The following RPH3AL variants were observed in gnomAD, a reference collection of about 807,000 sequenced individuals.
RPH3AL encodes the protein rab effector Noc2.
Under a neutral mutation model 43.1 loss-of-function variants are expected in RPH3AL, and 38 were observed. The observed-to-expected ratio is 0.88, with a 90% CI of 0.68 to 1.15. The LOEUF is 1.15. Ranked by LOEUF, RPH3AL falls within the 50% of genes most tolerant of loss-of-function variation. The pLI, the probability that RPH3AL is intolerant of heterozygous loss-of-function variation, is 0.00. For missense variants in RPH3AL, 462 were observed against 423.2 expected (o/e 1.09, Z -0.81); for synonymous variants, 189 against 176.3 (o/e 1.07, Z -0.57).
At chr17:238,512 G>A (rs1180944586) in intron 7 of RPH3AL, among the ~76,000 whole-genome samples, 1 of 152,212 alleles carries the variant, frequency 6.6e-6, no homozygotes, top group Non-Finnish European at 1.5e-5. Context: ...AGTGACTCCA[G>A]CCGCGCCTTT....
chr17:258,988 T>C (rs1452556874), intron 6 of RPH3AL, among the ~76,000 whole-genome samples: 3 of 152,100 alleles, frequency 2.0e-5, no homozygotes, highest in African/African-American at 7.2e-5. Context: ...CCCCAATATT[T>C]ATGCCCAGAA....
intron 7 of RPH3AL, among the ~76,000 whole-genome samples, chr17:228,136 G>A (rs554355771): frequency 8.5e-4 from 129 of 152,278 alleles, no homozygotes; most frequent in Non-Finnish European, 1.5e-3. Context: ...GGGAGTCACC[G>A]GCTCTGAGAC....
rs1567580414 is a variant in RPH3AL, at chr17:245,301, A to ATGTGTGTGTGGATGTGGATGTCAGTG, written c.613+1784_613+1809dup. Among the ~76,000 whole-genome samples the ATGTGTGTGTGGATGTGGATGTCAGTG allele has an allele frequency of 1.3e-4, 16 of 122,626 alleles. No individual in the cohort carries two copies. The highest frequency in any genetic ancestry group is 2.1e-4 in the Non-Finnish European group (12 of 57,296). The allele number at this position is 122,626 out of a possible 152,430, so 80.4% of individuals were successfully genotyped here. A position where few individuals can be genotyped will look rare whatever the true frequency, so the allele number is the denominator to read the frequency against. ...TGTGTGTACGTGGGTGTGTGTGTGG[A>ATGTGTGTGTGGATGTGGATGTCAGTG]TGTGTGTGTGGATGTGGATGTCAGT... On this transcript the variant is annotated intron_variant, in intron 7 of 9. Transcript: ENST00000331302. The surrounding 1 kb of genome is among the most constrained non-coding windows in gnomAD (Gnocchi z 5.9).
Position 302,159 on chromosome 17 carries a change from C to T in RPH3AL, c.351+17261G>A, listed in dbSNP as rs113799599. On this transcript the variant is annotated intron_variant, in intron 5 of 9. Coordinates refer to ENST00000331302, the MANE Select transcript of RPH3AL (RefSeq NM_006987.4). ...CCAGCTGCTGCCACTGCGGCATCTG[C>T]GGACTGCGAGGCTGCAAGGCCTGGA... Among the ~76,000 whole-genome samples the T allele has an allele frequency of 3.0e-3, 451 of 152,350 alleles. 1 individual carries two copies. Among genetic ancestry groups the T allele is most frequent in the African/African-American group, 9.2e-3 (382 of 41,586 alleles).
intron 5 of RPH3AL, among the ~76,000 whole-genome samples, chr17:302,329 A>T (rs957479572): frequency 4.0e-5 from 6 of 151,734 alleles, no homozygotes; most frequent in Admixed American, 3.3e-4. Flanking sequence ...CTGTCTCCCG[A>T]CTCTCGCAGG....
intron 2 of RPH3AL, chr17:331,767 AG>A (rs747669212): frequency 8.7e-5 from 112 of 1,289,054 alleles, no homozygotes; most frequent in Middle Eastern, 4.2e-4. Flanking sequence ...TTGGGCTCAG[AG>A]GGCAGAAAGT....
intron 7 of RPH3AL, among the ~76,000 whole-genome samples, chr17:239,340 T>C (rs1197566092): frequency 6.6e-6 from 1 of 152,238 alleles, no homozygotes; most frequent in Non-Finnish European, 1.5e-5. Context: ...TGTTTCTGGA[T>C]ACACCTAGAA....
chr17:236,740 G>A (rs947362425), intron 7 of RPH3AL, among the ~76,000 whole-genome samples: 1 of 152,236 alleles, frequency 6.6e-6, no homozygotes, highest in Non-Finnish European at 1.5e-5. Flanking sequence ...CCTCTACCTC[G>A]TGCCAGCCTT....
intron 5 of RPH3AL, among the ~76,000 whole-genome samples, chr17:317,634 A>C (rs2044324443): frequency 6.6e-6 from 1 of 152,110 alleles, no homozygotes; most frequent in African/African-American, 2.4e-5. Context: ...TCTCCCCTCC[A>C]GTATTTTTGG....
intron 5 of RPH3AL, among the ~76,000 whole-genome samples, chr17:311,602 G>A (rs1431908465): frequency 1.3e-5 from 2 of 152,150 alleles, no homozygotes; most frequent in Non-Finnish European, 2.9e-5. Flanking sequence ...TCTCTTTTTG[G>A]ATCCCCCCAA....
chr17:327,092 A>C (rs2044638432), intron 3 of RPH3AL, among the ~76,000 whole-genome samples: 1 of 152,218 alleles, frequency 6.6e-6, no homozygotes, highest in South Asian at 2.1e-4. Context: ...AGGGACTTGC[A>C]GTCCTACAGC....
In RPH3AL at chr17:297,172, G is replaced by T. The variant is rs376947098; in HGVS notation, c.352-15318C>A. ...TAGCTGAACACGTGGAGGTTCTTGA[G>T]GGGAGGCCCCAGAGGGGATCCAACA... On this transcript the variant is annotated intron_variant, in intron 5 of 9. Transcript: ENST00000331302. Among the ~76,000 whole-genome samples, 3 of 152,360 alleles carry T rather than the reference G, an allele frequency of 2.0e-5. No individual in the cohort carries two copies. The East Asian group carries it at 5.8e-4, about 29-fold the overall frequency.
In RPH3AL at chr17:333,441, TG is replaced by T; in HGVS notation, c.-37+317del. The T allele has an allele frequency of 2.0e-6, 1 of 497,628 alleles. No homozygotes were observed. The highest frequency in any genetic ancestry group is 3.2e-6 in the Non-Finnish European group (1 of 307,880). 30.8% of individuals were successfully genotyped at this position (497,628 alleles called of 1,614,324 possible). On this transcript the variant is annotated intron_variant, in intron 2 of 9. Coordinates refer to ENST00000331302, the MANE Select transcript of RPH3AL (RefSeq NM_006987.4). The surrounding 1 kb of genome is among the most constrained non-coding windows in gnomAD (Gnocchi z 4.5). ...AATTGTAATAAAATTGGGTTCTTAC[TG>T]CATACGCTGCTTGCTGGTTTCTAAA...
intron 2 of RPH3AL, chr17:331,079 G>GAGGGAGGCGAGGGAGGCA (rs1567529630): frequency 1.3e-5 from 2 of 151,510 alleles, no homozygotes; most frequent in South Asian, 2.1e-4. Flanking sequence ...GGAGGCAAGC[G>GAGGGAGGCGAGGGAGGCA]AGGGAGGCAA....
chr17:345,176 G>A (rs1278605040), intron 1 of RPH3AL, among the ~76,000 whole-genome samples: 1 of 135,570 alleles, frequency 7.4e-6, no homozygotes, highest in Non-Finnish European at 1.7e-5. Flanking sequence ...CTACTTGGGA[G>A]GCTGAGGTAG....
Position 269,082 on chromosome 17 carries a change from G to T in RPH3AL, c.438+12686C>A, listed in dbSNP as rs187313491. 1.1e-4 allele frequency among the ~76,000 whole-genome samples: 16 copies of T among 152,276 alleles called. No homozygotes were observed. The East Asian group carries it at 2.5e-3, about 24-fold the overall frequency. On this transcript the variant is annotated intron_variant, in intron 6 of 9. Transcript: ENST00000331302. ...TTTAGTAGAGACGGGGTTTCACCGT[G>T]TTAGCCAGGATGGTCTCGATCTCCT...
chr17:280,502 T>C (rs574894127), intron 6 of RPH3AL, among the ~76,000 whole-genome samples: 20 of 152,304 alleles, frequency 1.3e-4, no homozygotes, highest in Non-Finnish European at 2.2e-4. Flanking sequence ...GGCTCAGCAC[T>C]GGGCAACCCC....
chr17:279,829 G>A (rs1057251069), intron 6 of RPH3AL, among the ~76,000 whole-genome samples: 5 of 152,170 alleles, frequency 3.3e-5, no homozygotes, highest in Non-Finnish European at 7.3e-5. Context: ...GGAGATTTCT[G>A]GCTGAAGAGG....
chr17:331,384 G>T, intron 2 of RPH3AL: 1 of 210,960 alleles, frequency 4.7e-6, no homozygotes, highest in Non-Finnish European at 8.8e-6. Context: ...ATCACTGATG[G>T]CAAGTCTGTG....
Sources: allele counts gnomAD v4.1 joint callset (sites outside exome capture counted in the v4.1 genomes callset), GRCh38; gene constraint gnomAD v4.1.1; non-coding constraint Gnocchi (gnomAD v3.1); transcripts MANE v1.5; gene names NCBI Gene and HGNC (gene_info 2026-07-23, HGNC 2026-07-21).